TBC1D10A: variants seen among roughly 807,000 people sequenced by gnomAD.
TBC1D10A encodes the protein EBP50-PDX interactor of 64 kDa.
TBC1D10A carries 24 observed loss-of-function variants against 52.9 expected under a neutral mutation model. The observed-to-expected ratio is 0.45, with a 90% confidence interval of 0.33 to 0.64. The LOEUF is 0.64. Ranked by LOEUF, TBC1D10A falls within the 30% of genes least tolerant of loss-of-function variation. The pLI, the probability that TBC1D10A is intolerant of heterozygous loss-of-function variation, is 0.02. For missense variants in TBC1D10A, 602 were observed against 687.9 expected, an observed-to-expected ratio of 0.88 and a Z score of 1.40; for synonymous variants, 278 against 282.9, an observed-to-expected ratio of 0.98 and a Z score of 0.17.
chr22:30,319,363 C>T (rs1930605013), intron 1 of TBC1D10A, among the ~76,000 whole-genome samples: 1 of 152,204 alleles, frequency 6.6e-6, no homozygotes. Context: ...ACACAGACAT[C>T]TTGTTCAGTT....
At chr22:30,326,462 G>A (rs1346716022) in intron 1 of TBC1D10A, among the ~76,000 whole-genome samples, 1 of 150,692 alleles carries the variant, frequency 6.6e-6, no homozygotes, top group Non-Finnish European at 1.5e-5. Flanking sequence ...GTGGAGGTGT[G>A]GGCCCGTCCG....
chr22:30,326,660 C>CG lies in TBC1D10A; in HGVS notation c.209+12dup. 6.4e-7 allele frequency: 1 copy of CG among 1,553,904 alleles called. No homozygotes were observed. The highest frequency in any genetic ancestry group is 8.7e-7 in the Non-Finnish European group (1 of 1,151,282). On this transcript the variant is annotated intron_variant, in intron 1 of 8. Coordinates refer to ENST00000215790, the MANE Select transcript of TBC1D10A (RefSeq NM_031937.3). ...GGGTGGCGCGCTCAGTCCCGACCCC[C>CG]GGCGCTACTCACGCGCCCTCGGCGC...
In TBC1D10A at chr22:30,322,226, C is replaced by T. The variant is rs562447684; in HGVS notation, c.209+4447G>A. On this transcript the variant is annotated intron_variant, in intron 1 of 8. Coordinates refer to ENST00000215790, the MANE Select transcript of TBC1D10A (RefSeq NM_031937.3). ...AAACTCCTGACCTCAAATGATCTGC[C>T]CACCTCGGCCTCCTAAAGTGCTGGG... 2.0e-5 allele frequency among the ~76,000 whole-genome samples: 3 copies of T among 152,018 alleles called. No individual in the cohort carries two copies. The East Asian group carries it at 5.8e-4, about 30-fold the overall frequency.
Position 30,297,266 on chromosome 22 carries a change from CTG to C in TBC1D10A, c.418-1425_418-1424del. 1 of 152,450 alleles carries C rather than the reference CTG, an allele frequency of 6.6e-6. No homozygotes were observed. The highest frequency in any genetic ancestry group is 2.1e-4 in the South Asian group (1 of 4,828). The allele number at this position is 152,450 out of a possible 1,614,324, so 9.4% of individuals were successfully genotyped here. On this transcript the variant is annotated intron_variant, in intron 3 of 8. Coordinates refer to ENST00000215790, the MANE Select transcript of TBC1D10A (RefSeq NM_031937.3). The surrounding 1 kb of genome is among the most constrained non-coding windows in gnomAD (Gnocchi z 4.3). ...ATAGCGGAGCGGTGGATGCGTGCCT[CTG>C]GGGCCCCACACACCCTTGTGATGGG...
rs759512027 is a variant in TBC1D10A at position 30,295,824 on chromosome 22, C to T, written c.437G>A (p.Gly146Glu). ...AATCACGTCCAGCCACTTGGGGTCC[C>T]CAGGGGACATGTCCAGCTCCTAGAA... Reference protein sequence around the residue: ...GKFDELDMSPGDPKWLDVIER... With the variant: ...GKFDELDMSPEDPKWLDVIER... The change falls in exon 4 of 9, where the codon GGG (glycine) becomes GAG (glutamate). Residue 146 changes from glycine (G) to glutamate (E), a missense_variant. Physicochemically the swap from Gly to Glu is moderately conservative, Grantham distance 98. Coordinates refer to ENST00000215790, the MANE Select transcript of TBC1D10A (RefSeq NM_031937.3). 4.3e-6 allele frequency: 7 copies of T among 1,613,728 alleles called. No individual in the cohort carries two copies. Among genetic ancestry groups the T allele is most frequent in the Non-Finnish European group, 5.1e-6 (6 of 1,179,904 alleles).
rs1453178620 is a variant in TBC1D10A, at chr22:30,294,039, G to T, written c.777C>A (p.His259Gln). 4 of 1,614,094 alleles carry T rather than the reference G, an allele frequency of 2.5e-6. No homozygotes were observed. Among genetic ancestry groups the T allele is most frequent in the Admixed American group, 1.7e-5 (1 of 60,018 alleles). Residue 259 changes from histidine (H) to glutamine (Q), a missense_variant, in exon 7 of 9, where the codon CAC becomes CAA. Physicochemically the swap from His to Gln is conservative, Grantham distance 24. Transcript: ENST00000215790. Reference protein sequence around the residue: ...LQKVSPVAHKHLSRQKIDPLL... With the variant: ...LQKVSPVAHKQLSRQKIDPLL... Reference sequence around the variant, plus strand: ...GCGGGTCGATCTTCTGACGGCTGAGGTGCTTGTGGGCCACCGGCGACACCT... The same window carrying T: ...GCGGGTCGATCTTCTGACGGCTGAGTTGCTTGTGGGCCACCGGCGACACCT...
chr22:30,299,859 C>G (rs927349317), intron 2 of TBC1D10A: 1 of 221,830 alleles, frequency 4.5e-6, no homozygotes, highest in African/African-American at 2.3e-5. Flanking sequence ...CCTAGCGACT[C>G]GGGAGGCTAA....
intron 3 of TBC1D10A, 41 bp from the exon 4 acceptor site, chr22:30,295,884 G>C (rs779234259): frequency 2.5e-6 from 4 of 1,570,812 alleles, no homozygotes; most frequent in East Asian, 2.3e-5. Flanking sequence ...GGAGGATGGA[G>C]GTGGGCTTTG....
intron 1 of TBC1D10A, among the ~76,000 whole-genome samples, chr22:30,318,449 G>C (rs1335346933): frequency 6.6e-6 from 1 of 152,198 alleles, no homozygotes; most frequent in Non-Finnish European, 1.5e-5. Flanking sequence ...CCTGCTGGAA[G>C]GAGACAAAGA....
chr22:30,320,356 G>C lies in TBC1D10A; in HGVS notation c.209+6317C>G, dbSNP rs148872997. ...CCTGCTCTGCCCTCCATACTGGAAGGGGGAGGTAGCCAGATTCCTGCTAAC... is the reference window on the plus strand; with the variant it reads ...CCTGCTCTGCCCTCCATACTGGAAGCGGGAGGTAGCCAGATTCCTGCTAAC... On this transcript the variant is annotated intron_variant, in intron 1 of 8. Transcript: ENST00000215790. Among the ~76,000 whole-genome samples, 60 of 152,156 alleles carry C rather than the reference G, an allele frequency of 3.9e-4. No individual in the cohort carries two copies. The East Asian group carries it at 6.4e-3, about 16-fold the overall frequency.
rs147454819 is a variant in TBC1D10A at position 30,316,447 on chromosome 22, C to CTGTTTT, written c.209+10220_209+10225dup. ...ACCACATAGAGAACTTCTCAAAGCACTGTTTTTGTTTTTGTTTTTTTTTTT... is the reference window on the plus strand; with the variant it reads ...ACCACATAGAGAACTTCTCAAAGCACTGTTTTTGTTTTTGTTTTTGTTTTTTTTTTT... On this transcript the variant is annotated intron_variant, in intron 1 of 8. Coordinates refer to ENST00000215790, the MANE Select transcript of TBC1D10A (RefSeq NM_031937.3). Among the ~76,000 whole-genome samples the CTGTTTT allele has an allele frequency of 3.8e-3, 571 of 149,674 alleles. 3 individuals are homozygous for CTGTTTT. The highest frequency in any genetic ancestry group is 0.013 in the African/African-American group (539 of 40,462).
chr22:30,317,323 G>A (rs904600064), intron 1 of TBC1D10A, among the ~76,000 whole-genome samples: 2 of 152,100 alleles, frequency 1.3e-5, no homozygotes, highest in African/African-American at 4.8e-5. Context: ...CATGAGAATC[G>A]CTTGAACCGG....
intron 2 of TBC1D10A, among the ~76,000 whole-genome samples, chr22:30,303,903 G>C (rs1405447187): frequency 6.6e-6 from 1 of 152,200 alleles, no homozygotes; most frequent in Non-Finnish European, 1.5e-5. Context: ...AGGACTACTG[G>C]GTGATTTCAT....
At position 30,292,812 on chromosome 22, in the gene TBC1D10A, C is replaced by T. The variant is rs1188661979; in HGVS notation, c.1090G>A (p.Glu364Lys). Residue 364 changes from glutamate (E) to lysine (K), a missense_variant, in exon 9 of 9, where the codon GAA (glutamate) becomes AAA (lysine). Glu to Lys is a moderately conservative substitution (Grantham distance 56). This residue lies in a region of TBC1D10A where 265 missense variants were observed against 275.1 expected (regional missense o/e 0.96). Transcript: ENST00000215790. ...CAGCGCCGCAGCTGAATGAGGTGTT[C>T]GCGCTCAATCTGGCGCTCTGTCACG... The part of the protein sequence containing the change: ...LPVTERQIER[E>K]HLIQLRRWQE... 1.7e-5 allele frequency: 27 copies of T among 1,611,596 alleles called. No individual in the cohort carries two copies. Among genetic ancestry groups the T allele is most frequent in the Non-Finnish European group, 2.1e-5 (25 of 1,179,960 alleles).
intron 1 of TBC1D10A, among the ~76,000 whole-genome samples, chr22:30,323,482 C>T (rs892898292): frequency 6.6e-6 from 1 of 152,202 alleles, no homozygotes; most frequent in Non-Finnish European, 1.5e-5. Flanking sequence ...ACCTGATATC[C>T]TGCAGGGACG....
intron 1 of TBC1D10A, among the ~76,000 whole-genome samples, chr22:30,320,504 G>A (rs1175740073): frequency 6.6e-6 from 1 of 152,104 alleles, no homozygotes; most frequent in Non-Finnish European, 1.5e-5. Flanking sequence ...CAAGAAACAG[G>A]TTCTAGTCCC....
chr22:30,294,208 C>T, intron 6 of TBC1D10A, 98 bp from the exon 7 acceptor site: 1 of 1,378,336 alleles, frequency 7.3e-7, no homozygotes, highest in Non-Finnish European at 1.0e-6. Flanking sequence ...CCAGCAGGCT[C>T]AGGCAGCTAC....
Position 30,292,797 on chromosome 22 carries a change from G to T in TBC1D10A, c.1105C>A (p.Leu369Met). Reference sequence around the variant, plus strand: ...CCCCGGGTCTCCTGCCAGCGCCGCAGCTGAATGAGGTGTTCGCGCTCAATC... The same window carrying T: ...CCCCGGGTCTCCTGCCAGCGCCGCATCTGAATGAGGTGTTCGCGCTCAATC... ...RQIEREHLIQ[L>M]RRWQETRGEL... The change falls in exon 9 of 9, where the codon CTG becomes ATG. Residue 369 changes from leucine (L) to methionine (M), a missense_variant. Physicochemically the swap from Leu to Met is conservative, Grantham distance 15. Coordinates refer to ENST00000215790, the MANE Select transcript of TBC1D10A (RefSeq NM_031937.3). The T allele has an allele frequency of 6.2e-7, 1 of 1,612,102 alleles. No homozygotes were observed. Among genetic ancestry groups the T allele is most frequent in the Non-Finnish European group, 8.5e-7 (1 of 1,179,954 alleles).
In TBC1D10A at chr22:30,294,175, CCCCAGCA is replaced by C. The variant is rs567567879; in HGVS notation, c.706-72_706-66del. 1,601 of 1,567,522 alleles carry C rather than the reference CCCCAGCA, an allele frequency of 1.0e-3. 8 individuals are homozygous for C. In the African/African-American group the frequency reaches 0.015, roughly 15 times the overall value. On this transcript the variant is annotated intron_variant, in intron 6 of 8. Coordinates refer to ENST00000215790, the MANE Select transcript of TBC1D10A (RefSeq NM_031937.3). ...TGCAGGAGCCAGGGCAGAGACTACA[CCCCAGCA>C]CCCAGCACCCAGCACCCAGCAGGCT... is the stretch of plus-strand genomic sequence containing the variant.
Sources: allele counts gnomAD v4.1 joint callset (sites outside exome capture counted in the v4.1 genomes callset), GRCh38; gene constraint gnomAD v4.1.1; regional missense constraint gnomAD v4.1.1; non-coding constraint Gnocchi (gnomAD v3.1); transcripts MANE v1.5; gene names NCBI Gene and HGNC (gene_info 2026-07-23, HGNC 2026-07-21).